Variants in GNB1L observed in about 807,000 individuals in gnomAD.
The protein encoded by GNB1L is G protein subunit beta 1 like, also known as guanine nucleotide-binding protein subunit beta-like protein 1.
Under a neutral mutation model 29.1 loss-of-function variants are expected in GNB1L, and 20 were observed. The ratio of observed to expected loss-of-function variants is 0.69; its 90% CI spans 0.48 to 1.00. The LOEUF is 1.00. Ranked by LOEUF, GNB1L falls within the 50% of genes least tolerant of loss-of-function variation. GNB1L has a pLI of 0.00. For missense variants in GNB1L, 421 were observed against 464.9 expected, an observed-to-expected ratio of 0.91 and a Z score of 0.87; for synonymous variants, 193 against 206.5, an observed-to-expected ratio of 0.93 and a Z score of 0.56.
intron 7 of GNB1L, among the ~76,000 whole-genome samples, chr22:19,796,254 A>G (rs1937304787): frequency 6.6e-6 from 1 of 152,194 alleles, no homozygotes; most frequent in South Asian, 2.1e-4. Flanking sequence ...CAAAGTGCAT[A>G]AAGCAAATAC....
At chr22:19,802,275 G>T in intron 6 of GNB1L, 59 bp from the exon 7 acceptor site, 1 of 1,381,454 alleles carries the variant, frequency 7.2e-7, no homozygotes, top group East Asian at 2.3e-5. Context: ...GTGAGTTTCG[G>T]GGGAGAAGGG....
At chr22:19,840,765 G>A (rs575229823) in intron 2 of GNB1L, among the ~76,000 whole-genome samples, 4 of 151,944 alleles carry the variant, frequency 2.6e-5, no homozygotes, top group East Asian at 3.9e-4. Flanking sequence ...AGCCGAGATC[G>A]TGCCATTGCA....
At position 19,816,405 on chromosome 22, in the gene GNB1L, A is replaced by G. The variant is rs184816174; in HGVS notation, c.255-3958T>C. Among the ~76,000 whole-genome samples the G allele has an allele frequency of 3.9e-5, 6 of 152,218 alleles. No individual in the cohort carries two copies. In the East Asian group the frequency reaches 9.6e-4, roughly 24 times the overall value. The stretch of plus-strand genomic sequence containing the variant: ...GGGAGTCCCTGCAGGCTGGCTCAGA[A>G]TCCTCTGACGTGGCCATCTGCGAGA... On this transcript the variant is annotated intron_variant, in intron 4 of 7. Transcript: ENST00000329517. The surrounding 1 kb of genome is among the most constrained non-coding windows in gnomAD (Gnocchi z 4.4).
chr22:19,844,226 C>A (rs1937914198), intron 2 of GNB1L, among the ~76,000 whole-genome samples: 2 of 152,204 alleles, frequency 1.3e-5, no homozygotes, highest in South Asian at 4.1e-4. Context: ...GGGGACACGC[C>A]CAAATGGCGT....
rs754194912 is a variant in GNB1L, at chr22:19,825,205, AT to A, written c.-20-3831del. Among the ~76,000 whole-genome samples, 3 of 152,254 alleles carry A rather than the reference AT, an allele frequency of 2.0e-5. No individual in the cohort carries two copies. The East Asian group carries it at 5.8e-4, about 29-fold the overall frequency. On this transcript the variant is annotated intron_variant, in intron 2 of 7. Transcript: ENST00000329517. Reference sequence around the variant, plus strand: ...ACAAGGGCATGGAACTAGCTCCAGCATCCCCCGAGGAAGCTCCAGCCCATAA... The same window carrying A: ...ACAAGGGCATGGAACTAGCTCCAGCACCCCCGAGGAAGCTCCAGCCCATAA...
intron 2 of GNB1L, among the ~76,000 whole-genome samples, chr22:19,825,917 C>T (rs1222704363): frequency 2.0e-5 from 3 of 152,118 alleles, no homozygotes; most frequent in African/African-American, 7.2e-5. Context: ...ACAATCACAC[C>T]ACGGCACTCC....
At chr22:19,806,361 G>A (rs74953564) in intron 6 of GNB1L, among the ~76,000 whole-genome samples, 16,154 of 152,308 alleles carry the variant, frequency 0.11, 1,332 homozygotes, top group East Asian at 0.41. Flanking sequence ...CCTCCTCACC[G>A]CTCACTGGAG....
In GNB1L at chr22:19,788,660, C is replaced by T; in HGVS notation, c.*49G>A. 1 of 1,611,832 alleles carries T rather than the reference C, an allele frequency of 6.2e-7. No homozygotes were observed. The stretch of plus-strand genomic sequence containing the variant: ...TTCAGGCCAAGGCTGGGGCCTGATG[C>T]CCACCTCCCTGCCCGCCCTCCTCGT... On this transcript the variant is annotated 3_prime_UTR_variant, in exon 8 of 8. Coordinates refer to ENST00000329517, the MANE Select transcript of GNB1L (RefSeq NM_053004.3).
At chr22:19,823,007 G>A (rs1193510933) in intron 2 of GNB1L, among the ~76,000 whole-genome samples, 1 of 152,194 alleles carries the variant, frequency 6.6e-6, no homozygotes, top group Non-Finnish European at 1.5e-5. Context: ...GTGCCCAAGC[G>A]GGCGGCATGG....
chr22:19,805,981 A>G (rs1297285857), intron 6 of GNB1L, among the ~76,000 whole-genome samples: 1 of 152,100 alleles, frequency 6.6e-6, no homozygotes, highest in African/African-American at 2.4e-5. Context: ...CTACACCTTG[A>G]GCCAGTGCTG....
At chr22:19,828,224 G>C (rs1337908593) in intron 2 of GNB1L, among the ~76,000 whole-genome samples, 1 of 152,090 alleles carries the variant, frequency 6.6e-6, no homozygotes, top group African/African-American at 2.4e-5. Context: ...TGGGCAAAAA[G>C]GTATATGGGG....
rs769991918 is a variant in GNB1L at position 19,788,900 on chromosome 22, G to A, written c.793C>T (p.Arg265Cys). Residue 265 changes from arginine (R) to cysteine (C), a missense_variant, in exon 8 of 8, where the codon CGC (arginine) becomes TGC (cysteine). Physicochemically the swap from Arg to Cys is radical, Grantham distance 180. Transcript: ENST00000329517. ...GIAEVTIRPD[R>C]KILATAGWDH... ...CAGCCTGCGGTGGCCAGGATCTTGC[G>A]ATCTGGCCGGATCGTGACCTCGGCG... The A allele has an allele frequency of 2.1e-5, 34 of 1,612,334 alleles. No homozygotes were observed. Among genetic ancestry groups the A allele is most frequent in the Middle Eastern group, 1.7e-4 (1 of 6,040 alleles).
intron 2 of GNB1L, among the ~76,000 whole-genome samples, chr22:19,833,032 G>C (rs1467579184): frequency 6.6e-6 from 1 of 152,212 alleles, no homozygotes; most frequent in African/African-American, 2.4e-5. Context: ...AAATCTAACT[G>C]GGTTGACTGC....
At chr22:19,817,213 G>A (rs1937533604) in intron 4 of GNB1L, among the ~76,000 whole-genome samples, 1 of 152,230 alleles carries the variant, frequency 6.6e-6, no homozygotes, top group Non-Finnish European at 1.5e-5. Context: ...TAGGGGCCAG[G>A]CACAGTGGCT....
chr22:19,809,564 G>A (rs1156535277), intron 5 of GNB1L, among the ~76,000 whole-genome samples: 4 of 152,124 alleles, frequency 2.6e-5, no homozygotes, highest in Admixed American at 1.3e-4. Context: ...TAAACTAAAA[G>A]AGCACCCTGT....
At chr22:19,837,234 G>A (rs1237340143) in intron 2 of GNB1L, among the ~76,000 whole-genome samples, 2 of 152,124 alleles carry the variant, frequency 1.3e-5, no homozygotes, top group Non-Finnish European at 2.9e-5. Flanking sequence ...CCAAAGTGCT[G>A]GGATTACAGG....
At chr22:19,801,233 T>G (rs1374904190) in intron 7 of GNB1L, among the ~76,000 whole-genome samples, 2 of 152,136 alleles carry the variant, frequency 1.3e-5, no homozygotes, top group African/African-American at 4.8e-5. Context: ...TTCCAAGACT[T>G]CTGGTGAATG....
At chr22:19,799,113 A>G (rs1192713040) in intron 7 of GNB1L, among the ~76,000 whole-genome samples, 2 of 152,186 alleles carry the variant, frequency 1.3e-5, no homozygotes, top group Non-Finnish European at 2.9e-5. Flanking sequence ...ACACCTGGCC[A>G]TGTCTTGTGG....
intron 2 of GNB1L, chr22:19,852,243 G>A (rs1468797660): frequency 8.7e-6 from 14 of 1,608,448 alleles, no homozygotes; most frequent in Middle Eastern, 1.7e-4. Context: ...CCCTGCTGAC[G>A]GCACCGGCCA....
Sources: gnomAD v4.1 joint callset for allele counts (sites outside exome capture counted in the v4.1 genomes callset) on GRCh38, gnomAD v4.1.1 for gene constraint, Gnocchi (gnomAD v3.1) non-coding constraint, MANE v1.5 for transcripts, NCBI Gene and HGNC (gene_info 2026-07-23, HGNC 2026-07-21) for gene names.